Variants in CA10 observed in about 807,000 individuals in gnomAD.
The protein encoded by CA10 is carbonic anhydrase 10 (inactive).
A neutral mutation model predicts 44.2 loss-of-function variants in CA10; 14 were observed. The ratio of observed to expected loss-of-function variants is 0.32; its 90% CI spans 0.21 to 0.50. The LOEUF is 0.50. Among genes scored for constraint, CA10 ranks in the 20% least tolerant of loss-of-function variants. The pLI, the probability that CA10 is intolerant of heterozygous loss-of-function variation, is 0.99. For missense variants in CA10, 350 were observed against 409.7 expected (o/e 0.85, Z 1.26); for synonymous variants, 159 against 141.6 (o/e 1.12, Z -0.87).
At chr17:52,154,458 G>T (rs1335179054) in intron 1 of CA10, among the ~76,000 whole-genome samples, 3 of 152,190 alleles carry the variant, frequency 2.0e-5, no homozygotes, top group African/African-American at 7.2e-5. Flanking sequence ...GGAGGAAGTA[G>T]GATGCATTGT....
chr17:51,631,510 G>A lies in CA10; in HGVS notation c.*74C>T, dbSNP rs1262499152. 1 of 1,307,596 alleles carries A rather than the reference G, an allele frequency of 7.6e-7. No individual in the cohort carries two copies. Among genetic ancestry groups the A allele is most frequent in the Non-Finnish European group, 1.1e-6 (1 of 903,914 alleles). The allele number at this position is 1,307,596 out of a possible 1,614,324, so 81.0% of individuals were successfully genotyped here. A position where few individuals can be genotyped will look rare whatever the true frequency, so the allele number is the denominator to read the frequency against. On this transcript the variant is annotated 3_prime_UTR_variant, in exon 9 of 9. Transcript: ENST00000451037. ...GGAAAGAAGGAGAGAGAAGCAAGAA[G>A]GGGGACATTCTAGGTTACGTCAATT...
intron 2 of CA10, among the ~76,000 whole-genome samples, chr17:51,932,579 C>T (rs1982707975): frequency 6.6e-6 from 1 of 152,058 alleles, no homozygotes; most frequent in Non-Finnish European, 1.5e-5. Flanking sequence ...TGGTTTCATC[C>T]ATGCCAATAA....
chr17:51,917,334 G>A (rs1982043961), intron 3 of CA10, among the ~76,000 whole-genome samples: 2 of 152,228 alleles, frequency 1.3e-5, no homozygotes, highest in South Asian at 4.1e-4. Flanking sequence ...CCAGGGAAGA[G>A]ATGTGCCTTT....
Position 51,704,213 on chromosome 17 carries a change from C to T in CA10, c.465+43420G>A, listed in dbSNP as rs77182868. On this transcript the variant is annotated intron_variant, in intron 4 of 8. Transcript: ENST00000451037. ...CCATCCATCTATCCACCTATTCTTC[C>T]GGCCATTTATTTATCCATCCAACAT... Among the ~76,000 whole-genome samples the T allele has an allele frequency of 6.9e-3, 1,044 of 152,212 alleles. 49 individuals are homozygous for T. The East Asian group carries it at 0.14, about 20-fold the overall frequency.
intron 3 of CA10, among the ~76,000 whole-genome samples, chr17:51,915,075 T>G (rs1357702667): frequency 1.3e-5 from 2 of 152,224 alleles, no homozygotes; most frequent in Non-Finnish European, 2.9e-5. Flanking sequence ...GACTGCTTTC[T>G]GTATATTACA....
chr17:51,938,080 T>A (rs1030645994), intron 2 of CA10, among the ~76,000 whole-genome samples: 4 of 152,136 alleles, frequency 2.6e-5, no homozygotes, highest in Admixed American at 2.6e-4. Context: ...GGGGAAAAGA[T>A]CATTAGTACC....
intron 3 of CA10, among the ~76,000 whole-genome samples, chr17:51,808,571 A>G (rs545632867): frequency 6.6e-6 from 1 of 152,350 alleles, no homozygotes; most frequent in South Asian, 2.1e-4. Flanking sequence ...ATTATTTACA[A>G]TAGAAGCTAA....
At chr17:51,647,285 G>T (rs556789168) in intron 6 of CA10, among the ~76,000 whole-genome samples, 1 of 152,130 alleles carries the variant, frequency 6.6e-6, no homozygotes, top group South Asian at 2.1e-4. Flanking sequence ...CTTATTGGGC[G>T]TGCCTCGTCT....
intron 3 of CA10, among the ~76,000 whole-genome samples, chr17:51,913,287 G>A (rs537313668): frequency 6.6e-6 from 1 of 152,168 alleles, no homozygotes; most frequent in African/African-American, 2.4e-5. Context: ...AAGCAGGGGG[G>A]AGGAAATGCA....
Position 51,669,791 on chromosome 17 carries a change from G to A in CA10, c.466-16055C>T, listed in dbSNP as rs925134629. 4.6e-5 allele frequency among the ~76,000 whole-genome samples: 7 copies of A among 152,308 alleles called. No homozygotes were observed. The East Asian group carries it at 9.7e-4, about 21-fold the overall frequency. The stretch of plus-strand genomic sequence containing the variant: ...ATCTTTGAAAACTGTAACACTCACC[G>A]TGAGGGTCTGTGGCTTCATTCTTGA... On this transcript the variant is annotated intron_variant, in intron 4 of 8. Coordinates refer to ENST00000451037, the MANE Select transcript of CA10 (RefSeq NM_020178.5).
At chr17:51,640,444 T>C (rs1310064965) in intron 6 of CA10, among the ~76,000 whole-genome samples, 1 of 152,182 alleles carries the variant, frequency 6.6e-6, no homozygotes, top group Non-Finnish European at 1.5e-5. Flanking sequence ...GCTATTACCA[T>C]GTTTCCATAC....
chr17:51,662,409 C>A (rs942806095), intron 4 of CA10, among the ~76,000 whole-genome samples: 1 of 152,162 alleles, frequency 6.6e-6, no homozygotes, highest in African/African-American at 2.4e-5. Context: ...GGTTAAGCAC[C>A]TCTTCTGAGG....
intron 5 of CA10, among the ~76,000 whole-genome samples, chr17:51,652,717 G>A (rs1167145261): frequency 6.6e-6 from 1 of 152,166 alleles, no homozygotes; most frequent in African/African-American, 2.4e-5. Context: ...CCATTCTTCT[G>A]AGTAATAATG....
chr17:51,936,013 T>C (rs757939904), intron 2 of CA10, among the ~76,000 whole-genome samples: 16 of 152,164 alleles, frequency 1.1e-4, no homozygotes, highest in Non-Finnish European at 2.4e-4. Context: ...CAGAATTTGC[T>C]GCTGTGGGCA....
At chr17:51,865,085 C>T (rs1169256570) in intron 3 of CA10, among the ~76,000 whole-genome samples, 3 of 151,896 alleles carry the variant, frequency 2.0e-5, no homozygotes, top group Non-Finnish European at 4.4e-5. Flanking sequence ...TCCTTTAATT[C>T]AAAAAAATTC....
chr17:51,725,353 T>C (rs1392597640), intron 4 of CA10, among the ~76,000 whole-genome samples: 1 of 152,248 alleles, frequency 6.6e-6, no homozygotes, highest in Non-Finnish European at 1.5e-5. Flanking sequence ...TGAACTTTAA[T>C]AGAATGCACA....
chr17:51,690,701 T>C (rs1915166921), intron 4 of CA10, among the ~76,000 whole-genome samples: 1 of 152,230 alleles, frequency 6.6e-6, no homozygotes, highest in Admixed American at 6.5e-5. Flanking sequence ...TCTACCATGA[T>C]TGTGAGGCCT....
intron 2 of CA10, among the ~76,000 whole-genome samples, chr17:52,009,318 T>C (rs1219060861): frequency 6.6e-6 from 1 of 151,970 alleles, no homozygotes; most frequent in Non-Finnish European, 1.5e-5. Context: ...CTAATTTTTG[T>C]TCTATACAAA....
chr17:52,089,326 G>A (rs2143203866), intron 1 of CA10, among the ~76,000 whole-genome samples: 1 of 152,328 alleles, frequency 6.6e-6, no homozygotes, highest in Non-Finnish European at 1.5e-5. Flanking sequence ...CAGGGACCAA[G>A]GGTGGGCTGG....
Sources: allele counts gnomAD v4.1 joint callset (sites outside exome capture counted in the v4.1 genomes callset), GRCh38; gene constraint gnomAD v4.1.1; transcripts MANE v1.5; gene names NCBI Gene and HGNC (gene_info 2026-07-23, HGNC 2026-07-21).